The following SMIM14 variants were observed in gnomAD, a reference collection of about 807,000 sequenced individuals.
SMIM14 encodes the protein chromosome 4 open reading frame 34.
Under a neutral mutation model 12.6 loss-of-function variants are expected in SMIM14, and 5 were observed. The observed-to-expected ratio is 0.40, with a 90% confidence interval of 0.21 to 0.83. The LOEUF (loss-of-function observed/expected upper bound fraction) is 0.83. Among genes scored for constraint, SMIM14 ranks in the 40% least tolerant of loss-of-function variants. The pLI, the probability that SMIM14 is intolerant of heterozygous loss-of-function variation, is 0.37. For missense variants in SMIM14, 86 were observed against 119.1 expected (o/e 0.72, Z 1.29); for synonymous variants, 30 against 40.1 (o/e 0.75, Z 0.95).
intron 2 of SMIM14, among the ~76,000 whole-genome samples, chr4:39,584,885 G>A (rs926120089): frequency 6.6e-6 from 1 of 150,772 alleles, no homozygotes; most frequent in Non-Finnish European, 1.5e-5. Context: ...TATTTTGAAT[G>A]TCTAACACTA....
chr4:39,636,841 T>C (rs535070468), intron 1 of SMIM14, among the ~76,000 whole-genome samples: 1 of 152,288 alleles, frequency 6.6e-6, no homozygotes, highest in East Asian at 1.9e-4. Flanking sequence ...TAGTTAATAA[T>C]AGAACAGTTA....
intron 3 of SMIM14, among the ~76,000 whole-genome samples, chr4:39,566,969 A>C (rs574279512): frequency 6.6e-6 from 1 of 151,558 alleles, no homozygotes; most frequent in South Asian, 2.1e-4. Context: ...CCATCTCAAA[A>C]AAAACAAAAA....
chr4:39,604,462 A>AG (rs1714729388), intron 2 of SMIM14, among the ~76,000 whole-genome samples: 2 of 151,908 alleles, frequency 1.3e-5, no homozygotes, highest in South Asian at 4.2e-4. Flanking sequence ...GCTTGAACTC[A>AG]GGAGGTGGAG....
chr4:39,562,176 CCAG>C (rs1712342225), intron 3 of SMIM14, among the ~76,000 whole-genome samples: 1 of 151,872 alleles, frequency 6.6e-6, no homozygotes, highest in Non-Finnish European at 1.5e-5. Flanking sequence ...GCGTTTGAGA[CCAG>C]CCTGGGCAAC....
At chr4:39,587,223 A>G (rs946611581) in intron 2 of SMIM14, among the ~76,000 whole-genome samples, 5 of 151,912 alleles carry the variant, frequency 3.3e-5, no homozygotes, top group African/African-American at 4.8e-5. Flanking sequence ...GGAGCCAGGC[A>G]CGGTGGCTCA....
At chr4:39,624,417 G>A (rs1242719735) in intron 1 of SMIM14, among the ~76,000 whole-genome samples, 1 of 152,144 alleles carries the variant, frequency 6.6e-6, no homozygotes, top group Admixed American at 6.6e-5. Context: ...AAAATCCTGA[G>A]CAGGACTCAT....
chr4:39,578,991 T>TGCCTC (rs1578327915), intron 2 of SMIM14, among the ~76,000 whole-genome samples: 1 of 93,520 alleles, frequency 1.1e-5, no homozygotes, highest in African/African-American at 3.8e-5. Flanking sequence ...AGTGAGACTG[T>TGCCTC]CAAAAAAAAA....
intron 3 of SMIM14, among the ~76,000 whole-genome samples, chr4:39,565,373 T>C (rs1170228057): frequency 6.6e-6 from 1 of 152,094 alleles, no homozygotes; most frequent in East Asian, 1.9e-4. Context: ...GTCACCCAGG[T>C]TGGAGTGCAG....
intron 2 of SMIM14, among the ~76,000 whole-genome samples, chr4:39,592,382 C>A (rs1714149443): frequency 6.6e-6 from 1 of 151,232 alleles, no homozygotes; most frequent in Admixed American, 6.6e-5. Context: ...AGATTATGAG[C>A]ATGAGCCCAG....
At chr4:39,626,588 A>G (rs1715710276) in intron 1 of SMIM14, among the ~76,000 whole-genome samples, 1 of 152,236 alleles carries the variant, frequency 6.6e-6, no homozygotes, top group African/African-American at 2.4e-5. Flanking sequence ...GATACAGAAG[A>G]AACAAAGGTA....
At chr4:39,605,289 T>C in intron 1 of SMIM14, 109 bp from the exon 2 acceptor site, 2 of 551,872 alleles carry the variant, frequency 3.6e-6, no homozygotes, top group Non-Finnish European at 6.3e-6. Context: ...TTAAACTATG[T>C]ATAGTTTGTA....
intron 1 of SMIM14, among the ~76,000 whole-genome samples, chr4:39,626,966 A>C (rs1715726093): frequency 6.6e-6 from 1 of 152,164 alleles, no homozygotes; most frequent in Non-Finnish European, 1.5e-5. Context: ...ACAAAATAAC[A>C]CAGACTGGGT....
At chr4:39,637,177 T>G (rs1440292527) in intron 1 of SMIM14, among the ~76,000 whole-genome samples, 1 of 152,216 alleles carries the variant, frequency 6.6e-6, no homozygotes, top group Non-Finnish European at 1.5e-5. Flanking sequence ...AACTAACATT[T>G]TGGTGATCTT....
At chr4:39,553,755 G>A (rs928086022) in intron 4 of SMIM14, among the ~76,000 whole-genome samples, 4 of 151,784 alleles carry the variant, frequency 2.6e-5, no homozygotes, top group Non-Finnish European at 5.9e-5. Context: ...CACCATGCCT[G>A]GCTAATTTTT....
intron 1 of SMIM14, among the ~76,000 whole-genome samples, chr4:39,630,753 T>C (rs1715868023): frequency 6.6e-6 from 1 of 151,062 alleles, no homozygotes; most frequent in South Asian, 2.1e-4. Flanking sequence ...TCCCAGCTAC[T>C]TGGGAGGCTG....
chr4:39,621,692 T>C (rs898824961), intron 1 of SMIM14, among the ~76,000 whole-genome samples: 3 of 146,546 alleles, frequency 2.0e-5, no homozygotes, highest in Non-Finnish European at 3.0e-5. Flanking sequence ...GTTTCTTTTT[T>C]TTTTTTTTTT....
intron 3 of SMIM14, among the ~76,000 whole-genome samples, chr4:39,561,112 C>T (rs1360327649): frequency 3.3e-5 from 5 of 151,882 alleles, no homozygotes; most frequent in South Asian, 4.2e-4. Context: ...TTTCAGAATT[C>T]GGATTTTTTC....
At chr4:39,626,419 A>G (rs1291570856) in intron 1 of SMIM14, among the ~76,000 whole-genome samples, 1 of 152,198 alleles carries the variant, frequency 6.6e-6, no homozygotes, top group Non-Finnish European at 1.5e-5. Context: ...TGGAAAGAGG[A>G]AAGAACTGAG....
At chr4:39,603,746 C>T (rs1173503102) in intron 2 of SMIM14, among the ~76,000 whole-genome samples, 3 of 152,092 alleles carry the variant, frequency 2.0e-5, no homozygotes, top group Admixed American at 6.6e-5. Flanking sequence ...CGCAGTGGTT[C>T]ACGCCTGTAA....
Sources: allele counts gnomAD v4.1 joint callset (sites outside exome capture counted in the v4.1 genomes callset), GRCh38; gene constraint gnomAD v4.1.1; transcripts MANE v1.5; gene names NCBI Gene and HGNC (gene_info 2026-07-23, HGNC 2026-07-21).